The following ATP8B1 variants were observed in gnomAD, a reference collection of about 807,000 sequenced individuals.
ATP8B1 encodes ATPase phospholipid transporting 8B1.
In ATP8B1, 80 loss-of-function variants were observed where a neutral mutation model predicts 149.9. That is an observed-to-expected ratio of 0.53 (90% CI 0.45 to 0.64). The LOEUF (loss-of-function observed/expected upper bound fraction) is 0.64, where lower values mean the gene tolerates loss of function less well. Ranked by LOEUF, ATP8B1 falls within the 30% of genes least tolerant of loss-of-function variation. The probability of loss-of-function intolerance (pLI) is 0.00; values close to 1 mark genes in which losing one functional copy is unlikely to be tolerated. For synonymous variants in ATP8B1, 536 were observed against 562.8 expected, an observed-to-expected ratio of 0.95 and a Z score of 0.67; for missense variants, 1,247 against 1,552.6, an observed-to-expected ratio of 0.80 and a Z score of 3.31.
chr18:57,751,826 A>G (rs2080023214), intron 1 of ATP8B1, among the ~76,000 whole-genome samples: 1 of 152,094 alleles, frequency 6.6e-6, no homozygotes, highest in South Asian at 2.1e-4. Flanking sequence ...TGTCTTTATC[A>G]TTTGTACTTT....
intron 11 of ATP8B1, 118 bp downstream of exon 11, chr18:57,694,464 C>A: frequency 1.4e-6 from 1 of 713,896 alleles, no homozygotes; most frequent in Non-Finnish European, 2.4e-6. Flanking sequence ...TTGGAGTGCC[C>A]AATAATTTTT....
At position 57,718,176 on chromosome 18, in the gene ATP8B1, C is replaced by T. The variant is rs1280431846; in HGVS notation, c.182-11589G>A. 2.4e-5 allele frequency among the ~76,000 whole-genome samples: 3 copies of T among 123,752 alleles called. No homozygotes were observed. The East Asian group carries it at 8.0e-4, about 33-fold the overall frequency. The allele number at this position is 123,752 out of a possible 152,430, so 81.2% of individuals were successfully genotyped here. ...ATAAAATCAGAGCTGAAAAAGAAGA[C>T]ATTACAACTGTTACCACAGAAATTC... On this transcript the variant is annotated intron_variant, in intron 2 of 27. Coordinates refer to ENST00000648908, the MANE Select transcript of ATP8B1 (RefSeq NM_001374385.1).
chr18:57,787,105 T>G lies in ATP8B1; in HGVS notation c.-26+15893A>C, dbSNP rs550345166. ...ATACAAAATTTTGAAGACAGGAAAC[T>G]TCATAATATTCATGTTAAATTCTCA... On this transcript the variant is annotated intron_variant, in intron 1 of 27. Coordinates refer to ENST00000648908, the MANE Select transcript of ATP8B1 (RefSeq NM_001374385.1). Among the ~76,000 whole-genome samples, 8 of 152,316 alleles carry G rather than the reference T, an allele frequency of 5.3e-5. No homozygotes were observed. In the South Asian group the frequency reaches 1.7e-3, roughly 32 times the overall value.
chr18:57,794,643 G>T (rs568884671), intron 1 of ATP8B1, among the ~76,000 whole-genome samples: 1 of 152,144 alleles, frequency 6.6e-6, no homozygotes, highest in South Asian at 2.1e-4. Flanking sequence ...GCATATGACG[G>T]TCATGGTGGT....
intron 1 of ATP8B1, among the ~76,000 whole-genome samples, chr18:57,745,656 ATTT>A (rs11304424): frequency 6.9e-6 from 1 of 143,910 alleles, no homozygotes; most frequent in Non-Finnish European, 1.5e-5. Flanking sequence ...TGGTTTTACA[ATTT>A]TTTTTTTTTT....
At chr18:57,684,255 A>G (rs945679395) in intron 14 of ATP8B1, 63 bp from the exon 15 acceptor site, 1 of 1,524,940 alleles carries the variant, frequency 6.6e-7, no homozygotes, top group African/African-American at 1.4e-5. Flanking sequence ...AACAAATGAC[A>G]TGAACTTTTC....
intron 1 of ATP8B1, among the ~76,000 whole-genome samples, chr18:57,733,681 G>C (rs2079814093): frequency 7.5e-6 from 1 of 133,264 alleles, no homozygotes; most frequent in Non-Finnish European, 1.5e-5. Flanking sequence ...ACTCCAGCCC[G>C]GGCGACAGAG....
intron 1 of ATP8B1, among the ~76,000 whole-genome samples, chr18:57,786,895 T>C: frequency 6.6e-6 from 1 of 152,218 alleles, no homozygotes; most frequent in East Asian, 1.9e-4. Context: ...AAAGAGATAC[T>C]CTTATCTTTT....
intron 18 of ATP8B1, 109 bp downstream of exon 18, chr18:57,669,209 G>A: frequency 8.5e-7 from 1 of 1,177,228 alleles, no homozygotes; most frequent in Non-Finnish European, 1.2e-6. Flanking sequence ...GTCAAATGCT[G>A]AAGTTACAAT....
rs72627259 is a variant in ATP8B1, at chr18:57,756,339, C to T, written c.-25-24507G>A. 9.1e-3 allele frequency among the ~76,000 whole-genome samples: 1,204 copies of T among 132,218 alleles called. 27 individuals are homozygous for T. Among genetic ancestry groups the T allele is most frequent in the East Asian group, 0.085 (432 of 5,066 alleles). The allele number at this position is 132,218 out of a possible 152,430, so 86.7% of individuals were successfully genotyped here. On this transcript the variant is annotated intron_variant, in intron 1 of 27. Transcript: ENST00000648908. Reference sequence around the variant, plus strand: ...TATTTGAGACTGAGTTTATCTCTGTCACCCAGGCTGGAGTGCAGTGGCATG... The same window carrying T: ...TATTTGAGACTGAGTTTATCTCTGTTACCCAGGCTGGAGTGCAGTGGCATG...
In ATP8B1 at chr18:57,802,891, C is replaced by G. The variant is rs1188085185; in HGVS notation, c.-26+107G>C. 1 of 152,400 alleles carries G rather than the reference C, an allele frequency of 6.6e-6. No homozygotes were observed. The highest frequency in any genetic ancestry group is 2.4e-5 in the African/African-American group (1 of 41,478). The allele number at this position is 152,400 out of a possible 1,614,324, so 9.4% of individuals were successfully genotyped here. A position where few individuals can be genotyped will look rare whatever the true frequency, so the allele number is the denominator to read the frequency against. On this transcript the variant is annotated intron_variant, in intron 1 of 27. Transcript: ENST00000648908. This position sits in a 1 kb window ranked among gnomAD's most constrained non-coding sequence, Gnocchi z 4.9. ...GCGCTGACAGCTGCTGCCGCCGCATCCCGGATCTCCAAAGTGCGGCGGGAG... is the reference window on the plus strand; with the variant it reads ...GCGCTGACAGCTGCTGCCGCCGCATGCCGGATCTCCAAAGTGCGGCGGGAG...
chr18:57,653,251 A>C, intron 24 of ATP8B1, among the ~76,000 whole-genome samples: 1 of 142,448 alleles, frequency 7.0e-6, no homozygotes. Context: ...GACATATTGG[A>C]CTCTCGGGTG....
At chr18:57,695,604 G>A in intron 8 of ATP8B1, 72 bp from the exon 9 acceptor site, 4 of 1,164,714 alleles carry the variant, frequency 3.4e-6, no homozygotes, top group Middle Eastern at 5.5e-4. Flanking sequence ...ATCATCCAAA[G>A]TTACATTAGC....
intron 27 of ATP8B1, among the ~76,000 whole-genome samples, chr18:57,649,511 G>A (rs1405364652): frequency 1.3e-5 from 2 of 152,050 alleles, no homozygotes; most frequent in Non-Finnish European, 2.9e-5. Context: ...CACTGCAAAA[G>A]GGAGACCCGA....
intron 1 of ATP8B1, among the ~76,000 whole-genome samples, chr18:57,764,603 G>C (rs1703862): frequency 6.6e-6 from 1 of 151,780 alleles, no homozygotes. Flanking sequence ...ATTTTTAGTA[G>C]AGATGGGGTT....
chr18:57,799,564 C>A (rs978319245), intron 1 of ATP8B1, among the ~76,000 whole-genome samples: 11 of 152,008 alleles, frequency 7.2e-5, no homozygotes, highest in African/African-American at 1.9e-4. Context: ...CAAAAATTAG[C>A]TGAGCATGGT....
intron 1 of ATP8B1, among the ~76,000 whole-genome samples, chr18:57,792,457 A>G (rs2080472810): frequency 6.6e-6 from 1 of 152,114 alleles, no homozygotes; most frequent in South Asian, 2.1e-4. Flanking sequence ...CGTAATATAC[A>G]TGAAAAACAT....
At chr18:57,669,614 A>C in intron 17 of ATP8B1, 132 bp from the exon 18 acceptor site, 1 of 880,994 alleles carries the variant, frequency 1.1e-6, no homozygotes, top group Non-Finnish European at 1.7e-6. Flanking sequence ...AACATGACAG[A>C]TTCTGTACAA....
rs1599057742 is a variant in ATP8B1 at position 57,646,473 on chromosome 18, T to G, written c.*2015A>C. ...ACTTTTCAAAGATTTTACTAAATCA[T>G]TTTTTTAAACAAAATATACATTAAA... is the stretch of plus-strand genomic sequence containing the variant. On this transcript the variant is annotated 3_prime_UTR_variant, in exon 28 of 28. Coordinates refer to ENST00000648908, the MANE Select transcript of ATP8B1 (RefSeq NM_001374385.1). 9.4e-6 allele frequency: 1 copy of G among 105,970 alleles called. No individual in the cohort carries two copies. The highest frequency in any genetic ancestry group is 2.8e-4 in the East Asian group (1 of 3,542). 6.6% of individuals were successfully genotyped at this position (105,970 alleles called of 1,614,324 possible).
Sources: gnomAD v4.1 joint callset for allele counts (sites outside exome capture counted in the v4.1 genomes callset) on GRCh38, gnomAD v4.1.1 for gene constraint, Gnocchi (gnomAD v3.1) non-coding constraint, MANE v1.5 for transcripts, NCBI Gene and HGNC (gene_info 2026-07-23, HGNC 2026-07-21) for gene names.